Variants in ZFPM2 observed in about 807,000 individuals in gnomAD.
ZFPM2 encodes zinc finger protein ZFPM2.
A neutral mutation model predicts 98.6 loss-of-function variants in ZFPM2; 20 were observed. That is an observed-to-expected ratio of 0.20 (90% CI 0.14 to 0.29). The LOEUF is 0.29. Ranked by LOEUF, ZFPM2 falls within the 10% of genes least tolerant of loss-of-function variation. The probability of loss-of-function intolerance (pLI) is 1.00; values close to 1 mark genes in which losing one functional copy is unlikely to be tolerated. For synonymous variants in ZFPM2, 518 were observed against 502.7 expected (o/e 1.03, Z -0.41); for missense variants, 1,310 against 1,388.6 (o/e 0.94, Z 0.90).
chr8:105,712,468 G>A (rs1187704073), intron 5 of ZFPM2, among the ~76,000 whole-genome samples: 1 of 152,042 alleles, frequency 6.6e-6, no homozygotes, highest in Non-Finnish European at 1.5e-5. Context: ...TGAGGAAACT[G>A]ATGCGGAGGT....
At chr8:105,640,714 A>T (rs569136916) in intron 5 of ZFPM2, among the ~76,000 whole-genome samples, 1 of 152,178 alleles carries the variant, frequency 6.6e-6, no homozygotes, top group South Asian at 2.1e-4. Flanking sequence ...CTTAAAATAG[A>T]TAATCTGTTG....
intron 2 of ZFPM2, among the ~76,000 whole-genome samples, chr8:105,433,816 C>T (rs1301324998): frequency 6.6e-6 from 1 of 152,064 alleles, no homozygotes; most frequent in African/African-American, 2.4e-5. Context: ...AGTTTCTTCT[C>T]AACATGACAG....
At chr8:105,523,720 C>T (rs1313164258) in intron 3 of ZFPM2, among the ~76,000 whole-genome samples, 1 of 152,140 alleles carries the variant, frequency 6.6e-6, no homozygotes, top group African/African-American at 2.4e-5. Context: ...GGAGCTGTGA[C>T]ACTAAAATAC....
At chr8:105,730,578 A>G (rs1477170383) in intron 5 of ZFPM2, among the ~76,000 whole-genome samples, 1 of 151,594 alleles carries the variant, frequency 6.6e-6, no homozygotes, top group Non-Finnish European at 1.5e-5. Context: ...TGGTCTCTTT[A>G]CGTTGTTCAG....
At chr8:105,565,772 A>G (rs1815230601) in intron 4 of ZFPM2, among the ~76,000 whole-genome samples, 1 of 152,218 alleles carries the variant, frequency 6.6e-6, no homozygotes, top group Non-Finnish European at 1.5e-5. Context: ...CACTCTTTAA[A>G]TTAAACAAGT....
intron 6 of ZFPM2, among the ~76,000 whole-genome samples, chr8:105,789,454 T>C (rs1473409087): frequency 3.3e-5 from 5 of 152,242 alleles, no homozygotes; most frequent in Non-Finnish European, 7.3e-5. Context: ...ATGGTGTATA[T>C]GTGCCACATT....
chr8:105,746,000 G>C (rs1052876904), intron 5 of ZFPM2, among the ~76,000 whole-genome samples: 1 of 151,946 alleles, frequency 6.6e-6, no homozygotes, highest in African/African-American at 2.4e-5. Context: ...TCAAACTCCT[G>C]GCCTCAATTG....
At chr8:105,784,293 A>G (rs1404686977) in intron 5 of ZFPM2, among the ~76,000 whole-genome samples, 4 of 152,146 alleles carry the variant, frequency 2.6e-5, no homozygotes, top group Non-Finnish European at 5.9e-5. Context: ...TCAGATCCAC[A>G]TAGATTGCTA....
intron 3 of ZFPM2, among the ~76,000 whole-genome samples, chr8:105,514,289 C>T (rs1036423357): frequency 1.3e-5 from 2 of 148,430 alleles, no homozygotes; most frequent in African/African-American, 5.0e-5. Flanking sequence ...AGGCGTGAGC[C>T]ACCGTTCCTG....
chr8:105,385,975 C>T (rs1810981049), intron 1 of ZFPM2, among the ~76,000 whole-genome samples: 1 of 152,162 alleles, frequency 6.6e-6, no homozygotes, highest in Admixed American at 6.5e-5. Context: ...AGTTACTTAT[C>T]TGTGCCTCAG....
chr8:105,617,979 T>C lies in ZFPM2; in HGVS notation c.421-16267T>C, dbSNP rs562598284. Among the ~76,000 whole-genome samples, 52 of 152,320 alleles carry C rather than the reference T, an allele frequency of 3.4e-4. No individual in the cohort carries two copies. In the South Asian group the frequency reaches 0.011, roughly 32 times the overall value. ...CTACTTGATGTCTGATATTGATATTTAGTATCTCAACTAGACTTACAAGAC... is the reference window on the plus strand; with the variant it reads ...CTACTTGATGTCTGATATTGATATTCAGTATCTCAACTAGACTTACAAGAC... On this transcript the variant is annotated intron_variant, in intron 4 of 7. Transcript: ENST00000407775.
At chr8:105,553,898 C>T (rs1423900290) in intron 3 of ZFPM2, among the ~76,000 whole-genome samples, 1 of 152,044 alleles carries the variant, frequency 6.6e-6, no homozygotes, top group African/African-American at 2.4e-5. Context: ...CGGATAAGGT[C>T]ACAATTTCAT....
intron 1 of ZFPM2, among the ~76,000 whole-genome samples, chr8:105,409,415 A>G (rs1048004167): frequency 2.0e-5 from 3 of 151,908 alleles, no homozygotes; most frequent in Non-Finnish European, 4.4e-5. Context: ...TCCCAGAATC[A>G]TCTGAAAGAA....
intron 1 of ZFPM2, among the ~76,000 whole-genome samples, chr8:105,375,120 A>AT (rs1254753764): frequency 6.6e-6 from 1 of 152,060 alleles, no homozygotes; most frequent in Admixed American, 6.6e-5. Context: ...ATGGACCTAA[A>AT]TTTTTTTTCC....
At chr8:105,389,621 C>T (rs1399427825) in intron 1 of ZFPM2, among the ~76,000 whole-genome samples, 1 of 152,118 alleles carries the variant, frequency 6.6e-6, no homozygotes, top group Non-Finnish European at 1.5e-5. Flanking sequence ...TCTAATTTTA[C>T]CCAGCTGGTA....
intron 3 of ZFPM2, among the ~76,000 whole-genome samples, chr8:105,493,268 A>AATTT (rs1813392718): frequency 6.6e-6 from 1 of 152,206 alleles, no homozygotes; most frequent in Non-Finnish European, 1.5e-5. Context: ...AGTGTAACTT[A>AATTT]GCAGCTGTCT....
chr8:105,582,588 G>GTGTT (rs765463773), intron 4 of ZFPM2, among the ~76,000 whole-genome samples: 2 of 152,118 alleles, frequency 1.3e-5, no homozygotes, highest in Non-Finnish European at 2.9e-5. Context: ...TTTGGCAGCA[G>GTGTT]TGTTTGTTTG....
chr8:105,326,158 C>T (rs1391675182), intron 1 of ZFPM2, among the ~76,000 whole-genome samples: 2 of 151,358 alleles, frequency 1.3e-5, no homozygotes, highest in African/African-American at 2.4e-5. Flanking sequence ...AAGGAAAATC[C>T]TAAACAATAA....
At chr8:105,693,337 C>T (rs1039424726) in intron 5 of ZFPM2, among the ~76,000 whole-genome samples, 14 of 152,128 alleles carry the variant, frequency 9.2e-5, no homozygotes, top group African/African-American at 2.2e-4. Flanking sequence ...CAGGCTATTC[C>T]GCAGCTTGTC....
Sources: gnomAD v4.1 joint callset for allele counts (sites outside exome capture counted in the v4.1 genomes callset) on GRCh38, gnomAD v4.1.1 for gene constraint, MANE v1.5 for transcripts, NCBI Gene and HGNC (gene_info 2026-07-23, HGNC 2026-07-21) for gene names.